Variants in ITGAE observed in about 807,000 individuals in gnomAD.
ITGAE encodes integrin subunit alpha E.
In ITGAE, 99 loss-of-function variants were observed where a neutral mutation model predicts 136.5. That is an observed-to-expected ratio of 0.73 (90% CI 0.62 to 0.86). The LOEUF is 0.86. Among genes scored for constraint, ITGAE ranks in the 40% least tolerant of loss-of-function variants. The probability of loss-of-function intolerance (pLI) is 0.00; values close to 1 mark genes in which losing one functional copy is unlikely to be tolerated. For synonymous variants in ITGAE, 613 were observed against 591.8 expected (o/e 1.04, Z -0.52); for missense variants, 1,447 against 1,515.3 (o/e 0.95, Z 0.75).
intron 12 of ITGAE, 84 bp downstream of exon 12, chr17:3,755,033 C>G: frequency 5.2e-6 from 7 of 1,343,424 alleles, no homozygotes; most frequent in Non-Finnish European, 6.9e-6. Flanking sequence ...CCACGTAGCC[C>G]TCAGGCCCCA....
At chr17:3,724,398 C>T in intron 26 of ITGAE, 8 of 1,611,060 alleles carry the variant, frequency 5.0e-6, no homozygotes, top group Non-Finnish European at 6.8e-6. Flanking sequence ...CGTGTGCGGC[C>T]AGCCCAGGGA....
intron 26 of ITGAE, chr17:3,725,437 C>T: frequency 6.2e-7 from 1 of 1,614,208 alleles, no homozygotes; most frequent in Non-Finnish European, 8.5e-7. Context: ...GTGTTTCAAA[C>T]AATTGCTGAT....
intron 1 of ITGAE, among the ~76,000 whole-genome samples, chr17:3,777,873 C>A (rs977080970): frequency 1.3e-5 from 2 of 152,020 alleles, no homozygotes; most frequent in Non-Finnish European, 2.9e-5. Context: ...AGTACCCGAG[C>A]CCCCCTCCTC....
intron 28 of ITGAE, 113 bp from the exon 29 acceptor site, chr17:3,720,515 A>C (rs2051027899): frequency 1.6e-6 from 1 of 632,750 alleles, no homozygotes; most frequent in Non-Finnish European, 2.9e-6. Flanking sequence ...GGCTTAGTTA[A>C]TGGCCCTAAC....
At chr17:3,726,434 C>T in intron 26 of ITGAE, 1 of 743,494 alleles carries the variant, frequency 1.3e-6, no homozygotes, top group Non-Finnish European at 2.3e-6. Flanking sequence ...CTCCCATTCT[C>T]ACAGGTTTCC....
chr17:3,739,703 G>A (rs538091759), intron 20 of ITGAE, 102 bp downstream of exon 20: 6 of 962,032 alleles, frequency 6.2e-6, no homozygotes, highest in Middle Eastern at 4.2e-4. Context: ...GGGCCACGGG[G>A]AGAGGGGAAG....
chr17:3,784,128 C>T (rs113425452), intron 1 of ITGAE, among the ~76,000 whole-genome samples: 6,654 of 151,886 alleles, frequency 0.044, 169 homozygotes, highest in African/African-American at 0.06. Flanking sequence ...GGCGTGGTGG[C>T]GGGCGCCTGT....
At chr17:3,765,371 G>A (rs1213329727) in intron 2 of ITGAE, among the ~76,000 whole-genome samples, 1 of 92,178 alleles carries the variant, frequency 1.1e-5, no homozygotes, top group Admixed American at 1.1e-4. Context: ...AAAAAAAAAA[G>A]GTCATGATGT....
Position 3,755,261 on chromosome 17 carries a change from G to A in ITGAE, c.1240C>T (p.Arg414Trp). 1 of 1,574,746 alleles carries A rather than the reference G, an allele frequency of 6.4e-7. No individual in the cohort carries two copies. The highest frequency in any genetic ancestry group is 1.1e-5 in the South Asian group (1 of 87,684). Reference sequence around the variant, plus strand: ...CCGACGGCGCCGAGCAGCACCTGCCGCTGAAGGGGACGGGGATGGGGCCCA... The same window carrying A: ...CCGACGGCGCCGAGCAGCACCTGCCACTGAAGGGGACGGGGATGGGGCCCA... ...IGFSAQILDE[R>W]QVLLGAVGAF... The change falls in exon 12 of 31, where the codon CGG becomes TGG. Residue 414 changes from arginine (R) to tryptophan (W), a missense_variant and splice_region_variant. Physicochemically the swap from Arg to Trp is moderately radical, Grantham distance 101. Coordinates refer to ENST00000263087, the MANE Select transcript of ITGAE (RefSeq NM_002208.5).
Position 3,724,788 on chromosome 17 carries a change from G to C in ITGAE, c.3085-1044C>G, listed in dbSNP as rs752049306. ...GGTGGGAAATGGACCAGAGGGTCCA[G>C]GTCTGTCAAGCACAGGCAAGAGGAG... On this transcript the variant is annotated intron_variant, in intron 26 of 30. Coordinates refer to ENST00000263087, the MANE Select transcript of ITGAE (RefSeq NM_002208.5). 6.2e-7 allele frequency: 1 copy of C among 1,614,200 alleles called. No homozygotes were observed.
chr17:3,730,318 G>A (rs1384594452), intron 23 of ITGAE: 3 of 152,260 alleles, frequency 2.0e-5, no homozygotes, highest in African/African-American at 4.8e-5. Context: ...GCTGGGCGTG[G>A]TGGCGGGCGC....
chr17:3,726,571 T>C, intron 26 of ITGAE: 1 of 489,872 alleles, frequency 2.0e-6, no homozygotes, highest in East Asian at 3.4e-5. Flanking sequence ...CGTGCGCCTG[T>C]AGTCCCAGCT....
chr17:3,758,858 G>A (rs567570699), intron 8 of ITGAE, among the ~76,000 whole-genome samples: 1 of 151,346 alleles, frequency 6.6e-6, no homozygotes, highest in Admixed American at 6.6e-5. Flanking sequence ...GGGCGCGGTG[G>A]CTCACGCCTG....
At position 3,761,515 on chromosome 17, in the gene ITGAE, G is replaced by C. The variant is rs1231341155; in HGVS notation, c.321C>G (p.Cys107Trp). ...GAGGCCGCCGGACCAGCACTTGAAT[G>C]CATATCTGTGGGAGGGAAGAGAGGG... is the stretch of plus-strand genomic sequence containing the variant. ...VVRSHHGVLICIQVLVRRPHS... is the reference protein window; with the variant it reads ...VVRSHHGVLIWIQVLVRRPHS... Residue 107 changes from cysteine to tryptophan, a missense_variant, in exon 5 of 31, where the codon TGC becomes TGG. This residue lies in a region of ITGAE where 310 missense variants were observed against 416.1 expected (regional missense o/e 0.74). Transcript: ENST00000263087. 6.2e-7 allele frequency: 1 copy of C among 1,612,222 alleles called. No homozygotes were observed. Among genetic ancestry groups the C allele is most frequent in the African/African-American group, 1.3e-5 (1 of 75,012 alleles).
At chr17:3,795,109 C>G (rs1258429237) in intron 1 of ITGAE, among the ~76,000 whole-genome samples, 1 of 152,184 alleles carries the variant, frequency 6.6e-6, no homozygotes, top group African/African-American at 2.4e-5. Context: ...GAGTAACTCC[C>G]GGGTCCCTGA....
intron 10 of ITGAE, 71 bp from the exon 11 acceptor site, chr17:3,755,968 C>A: frequency 6.9e-7 from 1 of 1,450,070 alleles, no homozygotes; most frequent in South Asian, 1.2e-5. Flanking sequence ...AGGGGACAGT[C>A]CAGCTTGGCC....
Position 3,751,816 on chromosome 17 carries a change from C to A in ITGAE, c.1727G>T (p.Arg576Leu). The change falls in exon 15 of 31, where the codon CGC (arginine) becomes CTC (leucine). Residue 576 changes from arginine (R) to leucine (L), a missense_variant. Physicochemically the swap from Arg to Leu is moderately radical, Grantham distance 102 (BLOSUM62 -2). Transcript: ENST00000263087. ...CATAGCCGCCATGGCAAAGCCAAAG[C>A]GGGCATTGGTGAACCCGGGGTGCCC... ...LSGHPGFTNA[R>L]FGFAMAAMGD... The A allele has an allele frequency of 1.2e-6, 2 of 1,614,116 alleles. No homozygotes were observed. The highest frequency in any genetic ancestry group is 2.2e-5 in the South Asian group (2 of 91,082).
intron 2 of ITGAE, among the ~76,000 whole-genome samples, chr17:3,766,047 T>TG (rs1221859148): frequency 3.3e-5 from 5 of 151,954 alleles, no homozygotes; most frequent in Non-Finnish European, 5.9e-5. Context: ...GATCATGAGA[T>TG]GGGGGGGTTA....
At chr17:3,718,191 T>G (rs2050978457) in intron 29 of ITGAE, 1 of 142,186 alleles carries the variant, frequency 7.0e-6, no homozygotes, top group Non-Finnish European at 1.5e-5. Context: ...ACAGCTATTC[T>G]CCTTTGCCAG....
Sources: allele counts gnomAD v4.1 joint callset (sites outside exome capture counted in the v4.1 genomes callset), GRCh38; gene constraint gnomAD v4.1.1; regional missense constraint gnomAD v4.1.1; transcripts MANE v1.5; gene names NCBI Gene and HGNC (gene_info 2026-07-23, HGNC 2026-07-21).